The following MACO1 variants were observed in gnomAD, a reference collection of about 807,000 sequenced individuals.
The protein encoded by MACO1 is macoilin 1, also known as macoilin.
In MACO1, 14 loss-of-function variants were observed where a neutral mutation model predicts 78.7. The observed-to-expected ratio is 0.18, with a 90% confidence interval of 0.12 to 0.28. The LOEUF is 0.28. Among genes scored for constraint, MACO1 ranks in the 10% least tolerant of loss-of-function variants. The pLI is 1.00. For synonymous variants in MACO1, 288 were observed against 291.6 expected (o/e 0.99, Z 0.12); for missense variants, 501 against 799.0 (o/e 0.63, Z 4.50).
At chr1:25,434,170 C>T (rs1360229195) in intron 1 of MACO1, among the ~76,000 whole-genome samples, 5 of 152,130 alleles carry the variant, frequency 3.3e-5, no homozygotes, top group African/African-American at 4.8e-5. Flanking sequence ...ACATATAAAA[C>T]ATCATTTGAA....
At chr1:25,443,680 A>G (rs566518602) in intron 1 of MACO1, among the ~76,000 whole-genome samples, 53 of 152,350 alleles carry the variant, frequency 3.5e-4, no homozygotes, top group South Asian at 3.1e-3. Context: ...TCAACAGGCT[A>G]CCATTCTTTG....
intron 1 of MACO1, among the ~76,000 whole-genome samples, chr1:25,435,177 A>T (rs2124566214): frequency 6.6e-6 from 1 of 152,346 alleles, no homozygotes; most frequent in South Asian, 2.1e-4. Flanking sequence ...TATCTGTGTT[A>T]CTGGTGGCTG....
At chr1:25,439,275 C>T (rs1039835305) in intron 1 of MACO1, among the ~76,000 whole-genome samples, 3 of 151,734 alleles carry the variant, frequency 2.0e-5, no homozygotes, top group African/African-American at 7.3e-5. Flanking sequence ...TCTTGCCTGT[C>T]ACCCTTGCTA....
intron 1 of MACO1, among the ~76,000 whole-genome samples, chr1:25,441,788 T>C (rs2042975168): frequency 6.6e-6 from 1 of 152,178 alleles, no homozygotes; most frequent in South Asian, 2.1e-4. Context: ...TGGAAGTGCT[T>C]CATTTAGTTT....
chr1:25,459,091 A>C (rs759153268), intron 6 of MACO1, among the ~76,000 whole-genome samples, 199 bp downstream of exon 6: 29 of 152,346 alleles, frequency 1.9e-4, no homozygotes, highest in Non-Finnish European at 3.4e-4. Context: ...TGTTCTGAAT[A>C]ATGAGTGACA....
intron 1 of MACO1, among the ~76,000 whole-genome samples, chr1:25,443,934 T>C (rs1289109037): frequency 1.4e-5 from 2 of 142,390 alleles, no homozygotes; most frequent in Non-Finnish European, 3.1e-5. Flanking sequence ...TATATTTCCA[T>C]GCCCTTTTTT....
At chr1:25,441,912 T>G (rs2042976525) in intron 1 of MACO1, among the ~76,000 whole-genome samples, 1 of 152,218 alleles carries the variant, frequency 6.6e-6, no homozygotes, top group Non-Finnish European at 1.5e-5. Flanking sequence ...CAGTCAACCA[T>G]TTGGTGATAA....
intron 6 of MACO1, among the ~76,000 whole-genome samples, chr1:25,479,974 T>G (rs2043357233): frequency 6.6e-6 from 1 of 152,150 alleles, no homozygotes; most frequent in South Asian, 2.1e-4. Flanking sequence ...GTACACCAAA[T>G]AGTGAGCAGT....
At chr1:25,489,324 T>C in intron 9 of MACO1, 31 bp downstream of exon 9, 2 of 1,608,860 alleles carry the variant, frequency 1.2e-6, no homozygotes, top group Non-Finnish European at 1.7e-6. Context: ...TTCCCTTGTA[T>C]TTGAATTCCA....
intron 6 of MACO1, among the ~76,000 whole-genome samples, chr1:25,466,746 C>T (rs562303744): frequency 2.6e-4 from 40 of 152,300 alleles, no homozygotes; most frequent in South Asian, 6.2e-4. Context: ...AGGCTTTTTA[C>T]TCTCTTCACA....
chr1:25,432,986 G>A (rs1397033397), intron 1 of MACO1, among the ~76,000 whole-genome samples: 3 of 152,150 alleles, frequency 2.0e-5, no homozygotes, highest in African/African-American at 7.2e-5. Flanking sequence ...TCTTACTGAT[G>A]GCTTTTGAAA....
At chr1:25,471,026 T>C (rs536331238) in intron 6 of MACO1, among the ~76,000 whole-genome samples, 1 of 151,022 alleles carries the variant, frequency 6.6e-6, no homozygotes, top group South Asian at 2.1e-4. Flanking sequence ...AGAACCTGTC[T>C]TTAAAAAAAA....
rs780712945 is a variant in MACO1 at position 25,456,850 on chromosome 1, G to C, written c.652+19G>C. 10 of 1,575,598 alleles carry C rather than the reference G, an allele frequency of 6.3e-6. No individual in the cohort carries two copies. In the South Asian group the frequency reaches 1.2e-4, roughly 19 times the overall value. ...GAGGAAGGTAGGTCTTTACCCTAAA[G>C]CTGTTGGCTCAATAGGCTAGTCATT... On this transcript the variant is annotated intron_variant, in intron 5 of 10. Transcript: ENST00000374343.
chr1:25,462,193 A>G (rs2043177799), intron 6 of MACO1, among the ~76,000 whole-genome samples: 1 of 152,174 alleles, frequency 6.6e-6, no homozygotes, highest in East Asian at 1.9e-4. Context: ...CAGTATGTAC[A>G]TGCACTGTTT....
intron 6 of MACO1, among the ~76,000 whole-genome samples, chr1:25,477,774 T>G (rs1010326892): frequency 2.6e-5 from 4 of 152,192 alleles, no homozygotes; most frequent in Non-Finnish European, 5.9e-5. Context: ...CTTAAAACCA[T>G]GAAGTTATTG....
intron 1 of MACO1, 70 bp downstream of exon 1, chr1:25,431,248 C>G: frequency 1.6e-6 from 2 of 1,285,686 alleles, no homozygotes; most frequent in Non-Finnish European, 2.1e-6. Context: ...GGGGCCTGGC[C>G]CCGTTATGTA....
chr1:25,452,690 G>A (rs190789540), intron 3 of MACO1, among the ~76,000 whole-genome samples: 92 of 150,368 alleles, frequency 6.1e-4, no homozygotes, highest in Admixed American at 2.2e-3. Flanking sequence ...ATAATATTAC[G>A]GTGAATTGTT....
At chr1:25,478,309 CAA>C (rs1430912298) in intron 6 of MACO1, among the ~76,000 whole-genome samples, 1 of 152,194 alleles carries the variant, frequency 6.6e-6, no homozygotes, top group African/African-American at 2.4e-5. Context: ...TCCAGATACT[CAA>C]AGATATTTTT....
intron 10 of MACO1, among the ~76,000 whole-genome samples, chr1:25,494,975 G>A (rs999227305): frequency 6.6e-6 from 1 of 152,168 alleles, no homozygotes; most frequent in Non-Finnish European, 1.5e-5. Flanking sequence ...GGATGGCACA[G>A]GTGATTGAGC....
Sources: gnomAD v4.1 joint callset for allele counts (sites outside exome capture counted in the v4.1 genomes callset) on GRCh38, gnomAD v4.1.1 for gene constraint, MANE v1.5 for transcripts, NCBI Gene and HGNC (gene_info 2026-07-23, HGNC 2026-07-21) for gene names.